Variants in VANGL1 observed in about 807,000 individuals in gnomAD.
The protein encoded by VANGL1 is vang-like protein 1.
Under a neutral mutation model 48.4 loss-of-function variants are expected in VANGL1, and 18 were observed. The ratio of observed to expected loss-of-function variants is 0.37; its 90% CI spans 0.26 to 0.55. The LOEUF (loss-of-function observed/expected upper bound fraction) is 0.55, where lower values mean the gene tolerates loss of function less well. Ranked by LOEUF, VANGL1 falls within the 20% of genes least tolerant of loss-of-function variation. VANGL1 has a pLI of 0.81. For missense variants in VANGL1, 667 were observed against 675.8 expected (o/e 0.99, Z 0.14); for synonymous variants, 257 against 261.8 (o/e 0.98, Z 0.18).
intron 7 of VANGL1, among the ~76,000 whole-genome samples, chr1:115,686,975 G>A (rs1328536169): frequency 1.8e-5 from 2 of 109,918 alleles, no homozygotes; most frequent in African/African-American, 7.0e-5. Context: ...GATGAGCTTG[G>A]CATGTGGTAC....
chr1:115,657,733 C>T (rs1030384369), intron 2 of VANGL1, among the ~76,000 whole-genome samples: 1 of 152,158 alleles, frequency 6.6e-6, no homozygotes, highest in African/African-American at 2.4e-5. Flanking sequence ...AAAGAAATAC[C>T]TGACACCTTC....
intron 1 of VANGL1, among the ~76,000 whole-genome samples, chr1:115,650,104 T>A (rs2101301272): frequency 6.6e-6 from 1 of 152,304 alleles, no homozygotes; most frequent in East Asian, 1.9e-4. Flanking sequence ...TGGTGGTGTA[T>A]GGCAATTTGT....
chr1:115,669,529 C>T (rs915491628), intron 4 of VANGL1, among the ~76,000 whole-genome samples: 2 of 152,100 alleles, frequency 1.3e-5, no homozygotes, highest in African/African-American at 4.8e-5. Context: ...ATCACGGGGG[C>T]GATTTCCCCC....
intron 6 of VANGL1, among the ~76,000 whole-genome samples, chr1:115,685,080 G>A (rs761472522): frequency 1.3e-5 from 2 of 152,158 alleles, no homozygotes; most frequent in Non-Finnish European, 2.9e-5. Flanking sequence ...CCCAACCCCT[G>A]GGGCCCCTGT....
intron 2 of VANGL1, among the ~76,000 whole-genome samples, chr1:115,658,560 A>G (rs1037792976): frequency 6.6e-6 from 1 of 152,214 alleles, no homozygotes; most frequent in Non-Finnish European, 1.5e-5. Context: ...GGCAGATCCA[A>G]GATCTGTTTG....
chr1:115,662,621 C>A (rs1027548022), intron 3 of VANGL1, among the ~76,000 whole-genome samples: 1 of 152,078 alleles, frequency 6.6e-6, no homozygotes, highest in Non-Finnish European at 1.5e-5. Flanking sequence ...GTTTCTATGC[C>A]CTTGATGTTT....
chr1:115,690,150 A>G (rs1447377278), intron 7 of VANGL1, among the ~76,000 whole-genome samples: 1 of 86,162 alleles, frequency 1.2e-5, no homozygotes. Flanking sequence ...TAAAGAAACA[A>G]AACATACTTC....
At chr1:115,679,514 G>A (rs1341159413) in intron 4 of VANGL1, among the ~76,000 whole-genome samples, 1 of 152,218 alleles carries the variant, frequency 6.6e-6, no homozygotes, top group Non-Finnish European at 1.5e-5. Flanking sequence ...GTGCTGGAAG[G>A]CGGTGGGCCG....
At chr1:115,669,466 TAGCTCCCATAA>T (rs1443044786) in intron 4 of VANGL1, among the ~76,000 whole-genome samples, 1 of 152,222 alleles carries the variant, frequency 6.6e-6, no homozygotes, top group Non-Finnish European at 1.5e-5. Context: ...TCTTGAATTA[TAGCTCCCATAA>T]TTCCCACATG....
At chr1:115,684,515 C>G (rs1653517747) in intron 6 of VANGL1, among the ~76,000 whole-genome samples, 1 of 152,160 alleles carries the variant, frequency 6.6e-6, no homozygotes, top group Admixed American at 6.5e-5. Flanking sequence ...TGCTGGGACA[C>G]CTTTGGAGTG....
At chr1:115,667,033 G>A (rs529998108) in intron 4 of VANGL1, among the ~76,000 whole-genome samples, 15 of 152,294 alleles carry the variant, frequency 9.8e-5, no homozygotes, top group Middle Eastern at 3.4e-3. Flanking sequence ...CAGGAGGGAA[G>A]AGGGAGCGGG....
rs1232849213 is a variant in VANGL1 at position 115,688,982 on chromosome 1, G to A, written c.1315-2137G>A. ...TTTTTTTTGTATTTTTAGTAGAGACGGGGTTTCACCGTGTTAGCCAGGATG... is the reference window on the plus strand; with the variant it reads ...TTTTTTTTGTATTTTTAGTAGAGACAGGGTTTCACCGTGTTAGCCAGGATG... On this transcript the variant is annotated intron_variant, in intron 7 of 7. Transcript: ENST00000355485. Among the ~76,000 whole-genome samples, 23 of 134,536 alleles carry A rather than the reference G, an allele frequency of 1.7e-4. 3 individuals are homozygous for A. The highest frequency in any genetic ancestry group is 3.2e-4 in the Non-Finnish European group (20 of 62,178). 88.3% of individuals were successfully genotyped at this position (134,536 alleles called of 152,430 possible). A position where few individuals can be genotyped will look rare whatever the true frequency, so the allele number is the denominator to read the frequency against.
intron 4 of VANGL1, among the ~76,000 whole-genome samples, chr1:115,672,829 G>T (rs1265092056): frequency 6.6e-6 from 1 of 152,160 alleles, no homozygotes. Context: ...GCGTCCAGGG[G>T]CTAATTATAT....
intron 1 of VANGL1, among the ~76,000 whole-genome samples, chr1:115,644,773 G>A (rs983505865): frequency 2.0e-5 from 3 of 152,180 alleles, no homozygotes; most frequent in Non-Finnish European, 4.4e-5. Flanking sequence ...ACATGTTAAC[G>A]ATTCACACCT....
At chr1:115,649,986 CTGGCCCTGGG>C (rs111981008) in intron 1 of VANGL1, among the ~76,000 whole-genome samples, 3,793 of 152,242 alleles carry the variant, frequency 0.025, 174 homozygotes, top group African/African-American at 0.086. Flanking sequence ...ACAAAGGAGG[CTGGCCCTGGG>C]TGGCAGACCT....
chr1:115,660,711 A>G (rs941922285), intron 3 of VANGL1, among the ~76,000 whole-genome samples: 2 of 152,350 alleles, frequency 1.3e-5, no homozygotes, highest in African/African-American at 4.8e-5. Flanking sequence ...AGGACTATAG[A>G]TAAGCATACA....
intron 4 of VANGL1, chr1:115,671,383 C>A (rs1276345755): frequency 6.6e-6 from 1 of 152,402 alleles, no homozygotes; most frequent in Non-Finnish European, 1.5e-5. Context: ...GCAAAGCCGC[C>A]ACTCAACTCT....
At chr1:115,655,993 T>C (rs1182657650) in intron 2 of VANGL1, among the ~76,000 whole-genome samples, 1 of 152,222 alleles carries the variant, frequency 6.6e-6, no homozygotes, top group Non-Finnish European at 1.5e-5. Context: ...GGATTTCTGA[T>C]AAAGTTATTC....
In VANGL1 at chr1:115,663,708, G is replaced by T; in HGVS notation, c.252G>T (p.Glu84Asp). The change falls in exon 4 of 8, where the codon GAG becomes GAT. Residue 84 changes from glutamate to aspartate, a missense_variant. Glu to Asp is a conservative substitution (Grantham distance 45, BLOSUM62 2). Coordinates refer to ENST00000355485, the MANE Select transcript of VANGL1 (RefSeq NM_138959.3). Reference protein sequence around the residue: ...ETTTAITGTSEHSISQEDIAR... With the variant: ...ETTTAITGTSDHSISQEDIAR... Reference sequence around the variant, plus strand: ...CCACGGCCATCACAGGCACCTCGGAGCACAGCATATCCCAAGAGGACATTG... The same window carrying T: ...CCACGGCCATCACAGGCACCTCGGATCACAGCATATCCCAAGAGGACATTG... 1 of 1,614,206 alleles carries T rather than the reference G, an allele frequency of 6.2e-7. No individual in the cohort carries two copies. Among genetic ancestry groups the T allele is most frequent in the Non-Finnish European group, 8.5e-7 (1 of 1,180,038 alleles).
Sources: gnomAD v4.1 joint callset for allele counts (sites outside exome capture counted in the v4.1 genomes callset) on GRCh38, gnomAD v4.1.1 for gene constraint, MANE v1.5 for transcripts, NCBI Gene and HGNC (gene_info 2026-07-23, HGNC 2026-07-21) for gene names.